The following INPP5B variants were observed in gnomAD, a reference collection of about 807,000 sequenced individuals.
The protein encoded by INPP5B is inositol polyphosphate-5-phosphatase B, also known as type II inositol 1,4,5-trisphosphate 5-phosphatase.
In INPP5B, 90 loss-of-function variants were observed where a neutral mutation model predicts 118.5. The ratio of observed to expected loss-of-function variants is 0.76; its 90% confidence interval spans 0.64 to 0.90. INPP5B has a LOEUF of 0.90. Among genes scored for constraint, INPP5B ranks in the 40% least tolerant of loss-of-function variants. INPP5B has a pLI of 0.00. For synonymous variants in INPP5B, 385 were observed against 418.9 expected (o/e 0.92, Z 0.99); for missense variants, 984 against 1,125.6 (o/e 0.87, Z 1.80).
chr1:37,874,233 C>T, intron 17 of INPP5B, 78 bp from the exon 18 acceptor site: 1 of 1,073,574 alleles, frequency 9.3e-7, no homozygotes, highest in East Asian at 2.6e-5. Flanking sequence ...CTGGGCAGTC[C>T]TTACCATGGA....
intron 7 of INPP5B, among the ~76,000 whole-genome samples, chr1:37,893,620 A>G (rs1643912838): frequency 2.0e-5 from 3 of 152,034 alleles, no homozygotes. Flanking sequence ...CACCCTCTCC[A>G]ACCCAGTTTC....
At chr1:37,898,603 G>A (rs12752271) in intron 7 of INPP5B, among the ~76,000 whole-genome samples, 51,845 of 151,620 alleles carry the variant, frequency 0.34, 10,200 homozygotes, top group Non-Finnish European at 0.44. Context: ...GCTGAGGCAG[G>A]AGAATGGTGT....
Position 37,940,815 on chromosome 1 carries a change from G to A in INPP5B, c.281-17C>T, listed in dbSNP as rs1570412464. Reference sequence around the variant, plus strand: ...CATCTGAGCCTGCACAAAGGAGGCAGGAAATGAACCCTTGGCTGCCAGGAG... The same window carrying A: ...CATCTGAGCCTGCACAAAGGAGGCAAGAAATGAACCCTTGGCTGCCAGGAG... On this transcript the variant is annotated splice_polypyrimidine_tract_variant and intron_variant, in intron 5 of 23. Transcript: ENST00000373024. The A allele has an allele frequency of 6.3e-7, 1 of 1,576,838 alleles. No homozygotes were observed. Among genetic ancestry groups the A allele is most frequent in the Non-Finnish European group, 8.7e-7 (1 of 1,146,576 alleles).
intron 7 of INPP5B, chr1:37,930,873 A>T (rs941163091): frequency 6.6e-6 from 1 of 152,228 alleles, no homozygotes; most frequent in Non-Finnish European, 1.5e-5. Context: ...GACTGTCACA[A>T]ATAGGTACTA....
chr1:37,901,095 C>G lies in INPP5B; in HGVS notation c.533-9641G>C, dbSNP rs141239649. The stretch of plus-strand genomic sequence containing the variant: ...AAAGTGCCGGGATTACAGGCATGAG[C>G]CACCACGCCCGACCTGATATTAAAT... On this transcript the variant is annotated intron_variant, in intron 7 of 23. Transcript: ENST00000373024. Among the ~76,000 whole-genome samples, 873 of 152,322 alleles carry G rather than the reference C, an allele frequency of 5.7e-3. 2 individuals are homozygous for G. Among genetic ancestry groups the G allele is most frequent in the Non-Finnish European group, 9.8e-3 (667 of 68,036 alleles).
intron 6 of INPP5B, among the ~76,000 whole-genome samples, chr1:37,934,051 A>G (rs912705040): frequency 6.6e-6 from 1 of 151,900 alleles, no homozygotes; most frequent in Non-Finnish European, 1.5e-5. Context: ...CTCCTGCCTC[A>G]GACTCCTGAG....
At chr1:37,881,758 T>A (rs1260499323) in intron 14 of INPP5B, among the ~76,000 whole-genome samples, 3 of 151,976 alleles carry the variant, frequency 2.0e-5, no homozygotes, top group Non-Finnish European at 2.9e-5. Flanking sequence ...GAGAAAGACA[T>A]AACTAAGTTG....
At position 37,907,710 on chromosome 1, in the gene INPP5B, C is replaced by T. The variant is rs1021388748; in HGVS notation, c.533-16256G>A. 6.6e-6 allele frequency among the ~76,000 whole-genome samples: 1 copy of T among 152,166 alleles called. No individual in the cohort carries two copies. The highest frequency in any genetic ancestry group is 1.5e-5 in the Non-Finnish European group (1 of 68,020). On this transcript the variant is annotated intron_variant, in intron 7 of 23. Coordinates refer to ENST00000373024, the MANE Select transcript of INPP5B (RefSeq NM_005540.3). This position sits in a 1 kb window ranked among gnomAD's most constrained non-coding sequence, Gnocchi z 4.3. The stretch of plus-strand genomic sequence containing the variant: ...AGATGGCCATGAGAGTGACCCACCT[C>T]GTCCTCATTGCTACATTCCCTCCAG...
At position 37,873,043 on chromosome 1, in the gene INPP5B, A is replaced by C. The variant is rs777347618; in HGVS notation, c.2074T>G (p.Phe692Val). ...AGGTAGTTCCCAGACACAGACAAAA[A>C]GTAATCCTTTCCCCTGTCCAAGTGC... ...VLHLDRGKDY[F>V]LSVSGNYLPS... Residue 692 changes from phenylalanine to valine, a missense_variant, in exon 19 of 24, where the codon TTT becomes GTT. Phe to Val is a conservative substitution (Grantham distance 50, BLOSUM62 -1). This residue lies in a region of INPP5B where 634 missense variants were observed against 791.0 expected (regional missense o/e 0.80). Coordinates refer to ENST00000373024, the MANE Select transcript of INPP5B (RefSeq NM_005540.3). 1.2e-6 allele frequency: 2 copies of C among 1,614,212 alleles called. No individual in the cohort carries two copies. Among genetic ancestry groups the C allele is most frequent in the East Asian group, 4.5e-5 (2 of 44,882 alleles).
chr1:37,926,672 T>C (rs1389754496), intron 7 of INPP5B, among the ~76,000 whole-genome samples: 1 of 152,208 alleles, frequency 6.6e-6, no homozygotes, highest in Admixed American at 6.5e-5. Flanking sequence ...GAATGGCCCC[T>C]GTGGGACTTC....
intron 7 of INPP5B, among the ~76,000 whole-genome samples, chr1:37,904,854 G>A (rs1441774809): frequency 2.0e-5 from 3 of 148,480 alleles, no homozygotes. Flanking sequence ...TCCTGCCTGG[G>A]AAACAAGAGC....
At chr1:37,934,113 T>C (rs927053701) in intron 6 of INPP5B, among the ~76,000 whole-genome samples, 1 of 151,916 alleles carries the variant, frequency 6.6e-6, no homozygotes, top group South Asian at 2.1e-4. Context: ...TTTGTATTTT[T>C]AGTAGAGGCG....
chr1:37,868,126 C>T (rs1488369021), intron 20 of INPP5B, among the ~76,000 whole-genome samples: 1 of 152,030 alleles, frequency 6.6e-6, no homozygotes, highest in African/African-American at 2.4e-5. Context: ...CACCTGAGGT[C>T]AGAAGTTGCA....
intron 7 of INPP5B, among the ~76,000 whole-genome samples, chr1:37,897,118 C>G (rs1248739994): frequency 2.0e-5 from 3 of 149,692 alleles, no homozygotes; most frequent in African/African-American, 7.4e-5. Context: ...TCGGGGGGGT[C>G]AGACCCCCGT....
chr1:37,939,767 G>T (rs1234821538), intron 6 of INPP5B, among the ~76,000 whole-genome samples: 1 of 152,010 alleles, frequency 6.6e-6, no homozygotes, highest in Non-Finnish European at 1.5e-5. Context: ...TTAGAGACAG[G>T]GGTCTCACTC....
rs1425261158 is a variant in INPP5B, at chr1:37,946,314, C to A, written c.-6G>T. On this transcript the variant is annotated 5_prime_UTR_variant, in exon 2 of 24. Transcript: ENST00000373024. ...ATTGCCACAGACTGGTCCATGCTGG[C>A]CCCTGCTGAGCGCACACACCCTGTG... The A allele has an allele frequency of 1.2e-6, 2 of 1,610,596 alleles. No individual in the cohort carries two copies. Among genetic ancestry groups the A allele is most frequent in the African/African-American group, 2.7e-5 (2 of 75,014 alleles).
At chr1:37,905,552 ATTTC>A (rs909283478) in intron 7 of INPP5B, among the ~76,000 whole-genome samples, 11 of 152,326 alleles carry the variant, frequency 7.2e-5, no homozygotes, top group Non-Finnish European at 7.4e-5. Context: ...TGGTAACCAA[ATTTC>A]TTTGTCAGTT....
In INPP5B at chr1:37,932,056, G is replaced by A. The variant is rs770285330; in HGVS notation, c.392-3C>T. The A allele has an allele frequency of 5.0e-6, 8 of 1,584,892 alleles. No homozygotes were observed. The highest frequency in any genetic ancestry group is 6.0e-6 in the Non-Finnish European group (7 of 1,164,584). On this transcript the variant is annotated splice_region_variant and splice_polypyrimidine_tract_variant and intron_variant, in intron 6 of 23. Transcript: ENST00000373024. ...ATCCCGGGTCGCAGAATCGAAGCCT[G>A]TGCAGGAACAAATGGGGGCAGACTG...
chr1:37,940,662 C>T (rs756974715), intron 6 of INPP5B, 26 bp downstream of exon 6: 8 of 1,456,944 alleles, frequency 5.5e-6, no homozygotes, highest in Non-Finnish European at 7.7e-6. Flanking sequence ...CCCACCCACC[C>T]CCAGGGAGCC....
Sources: gnomAD v4.1 joint callset for allele counts (sites outside exome capture counted in the v4.1 genomes callset) on GRCh38, gnomAD v4.1.1 for gene constraint, gnomAD v4.1.1 regional missense constraint, Gnocchi (gnomAD v3.1) non-coding constraint, MANE v1.5 for transcripts, NCBI Gene and HGNC (gene_info 2026-07-23, HGNC 2026-07-21) for gene names.